The following CAMTA1 variants were observed in gnomAD, a reference collection of about 807,000 sequenced individuals.
CAMTA1 encodes the protein calmodulin binding transcription activator 1.
CAMTA1 carries 27 observed loss-of-function variants against 170.9 expected under a neutral mutation model. The ratio of observed to expected loss-of-function variants is 0.16; its 90% CI spans 0.12 to 0.22. The LOEUF (loss-of-function observed/expected upper bound fraction) is 0.22. Ranked by LOEUF, CAMTA1 falls within the 10% of genes least tolerant of loss-of-function variation. The pLI is 1.00. For missense variants in CAMTA1, 1,619 were observed against 2,217.2 expected (o/e 0.73, Z 5.42); for synonymous variants, 833 against 891.5 (o/e 0.93, Z 1.17).
chr1:7,595,246 G>T (rs989038125), intron 6 of CAMTA1, among the ~76,000 whole-genome samples: 2 of 152,208 alleles, frequency 1.3e-5, no homozygotes, highest in Admixed American at 6.5e-5. Flanking sequence ...TCAGCTTTCA[G>T]ATTATCTGAA....
intron 5 of CAMTA1, among the ~76,000 whole-genome samples, chr1:7,334,429 A>G (rs1035470283): frequency 1.3e-5 from 2 of 152,230 alleles, no homozygotes; most frequent in African/African-American, 2.4e-5. Flanking sequence ...GGAGGCAGTC[A>G]GTTCTTTTGG....
intron 6 of CAMTA1, among the ~76,000 whole-genome samples, chr1:7,610,697 C>G (rs1450641156): frequency 1.3e-5 from 2 of 152,208 alleles, no homozygotes; most frequent in Non-Finnish European, 2.9e-5. Flanking sequence ...GGCCTCTGCC[C>G]CTCCCTAGAA....
At chr1:6,974,505 G>A (rs1016074315) in intron 3 of CAMTA1, among the ~76,000 whole-genome samples, 4 of 152,212 alleles carry the variant, frequency 2.6e-5, no homozygotes, top group African/African-American at 7.2e-5. Flanking sequence ...GTAAATGATG[G>A]TGGTGTTCAG....
chr1:6,785,474 G>C lies in CAMTA1; in HGVS notation c.-57G>C, dbSNP rs1241231371. 7 of 950,192 alleles carry C rather than the reference G, an allele frequency of 7.4e-6. No homozygotes were observed. The African/African-American group carries it at 9.0e-5, about 12-fold the overall frequency. The allele number at this position is 950,192 out of a possible 1,614,324, so 58.9% of individuals were successfully genotyped here. On this transcript the variant is annotated 5_prime_UTR_variant, in exon 1 of 23. Transcript: ENST00000303635. ...GCGGCGGCGGCGGGGTGGCTGGGCC[G>C]GCGGCGGCGGCGGTACGAGGCGCGC...
At chr1:6,926,093 G>A (rs915939653) in intron 3 of CAMTA1, among the ~76,000 whole-genome samples, 3 of 152,230 alleles carry the variant, frequency 2.0e-5, no homozygotes, top group African/African-American at 7.2e-5. Context: ...AATCCACAGG[G>A]CAAAGAGGGC....
intron 4 of CAMTA1, among the ~76,000 whole-genome samples, chr1:7,219,956 G>A (rs532607663): frequency 6.6e-6 from 1 of 152,196 alleles, no homozygotes; most frequent in Non-Finnish European, 1.5e-5. Context: ...CCGTCTGTAG[G>A]CCAGGAAGGG....
At chr1:7,745,220 A>G (rs1292710917) in intron 17 of CAMTA1, among the ~76,000 whole-genome samples, 198 bp downstream of exon 17, 4 of 152,070 alleles carry the variant, frequency 2.6e-5, no homozygotes, top group African/African-American at 4.8e-5. Flanking sequence ...TTTTACTGCT[A>G]TCAGAGCATA....
intron 17 of CAMTA1, among the ~76,000 whole-genome samples, chr1:7,745,562 T>C (rs1395496484): frequency 6.6e-6 from 1 of 152,132 alleles, no homozygotes. Flanking sequence ...TGTAGCATAA[T>C]GTTTCCCCCT....
At chr1:7,445,875 C>G (rs1326878586) in intron 5 of CAMTA1, among the ~76,000 whole-genome samples, 1 of 152,114 alleles carries the variant, frequency 6.6e-6, no homozygotes, top group South Asian at 2.1e-4. Flanking sequence ...AGCGAACATT[C>G]AGGGGTCAGG....
Position 7,740,276 on chromosome 1 carries a change from T to C in CAMTA1, c.4182+1794T>C, listed in dbSNP as rs186730862. 3.3e-5 allele frequency among the ~76,000 whole-genome samples: 5 copies of C among 152,354 alleles called. No homozygotes were observed. In the East Asian group the frequency reaches 5.8e-4, roughly 18 times the overall value. On this transcript the variant is annotated intron_variant, in intron 16 of 22. Transcript: ENST00000303635. Reference sequence around the variant, plus strand: ...GCCATACAGACTTTGTCCTAGCTACTTAATCGGCCCTAACAGCACCAAAGC... The same window carrying C: ...GCCATACAGACTTTGTCCTAGCTACCTAATCGGCCCTAACAGCACCAAAGC...
At chr1:7,658,486 G>C (rs1403171522) in intron 7 of CAMTA1, among the ~76,000 whole-genome samples, 1 of 152,150 alleles carries the variant, frequency 6.6e-6, no homozygotes, top group African/African-American at 2.4e-5. Context: ...GCCAGAGTAG[G>C]GGACCCACAG....
At chr1:7,544,150 G>A (rs2094653924) in intron 6 of CAMTA1, among the ~76,000 whole-genome samples, 1 of 152,200 alleles carries the variant, frequency 6.6e-6, no homozygotes, top group Non-Finnish European at 1.5e-5. Flanking sequence ...GTTCCACATG[G>A]CTGGGGAGGC....
chr1:7,111,993 T>G (rs1644085649), intron 4 of CAMTA1, among the ~76,000 whole-genome samples: 2 of 151,748 alleles, frequency 1.3e-5, no homozygotes, highest in Admixed American at 6.6e-5. Context: ...AAGCAGCCTA[T>G]GAGTGGCCAC....
chr1:7,144,558 T>C lies in CAMTA1; in HGVS notation c.302+53187T>C, dbSNP rs1393840658. Among the ~76,000 whole-genome samples, 1 of 152,194 alleles carries C rather than the reference T, an allele frequency of 6.6e-6. No individual in the cohort carries two copies. The highest frequency in any genetic ancestry group is 2.4e-5 in the African/African-American group (1 of 41,434). On this transcript the variant is annotated intron_variant, in intron 4 of 22. Coordinates refer to ENST00000303635, the MANE Select transcript of CAMTA1 (RefSeq NM_015215.4). The surrounding 1 kb of genome is among the most constrained non-coding windows in gnomAD (Gnocchi z 4.0). ...GATTAGAAGATTTGCCTTGTCGGTGTAGTTTGTGGCTTCAGTGTTGTGAGG... is the reference window on the plus strand; with the variant it reads ...GATTAGAAGATTTGCCTTGTCGGTGCAGTTTGTGGCTTCAGTGTTGTGAGG...
chr1:7,491,181 C>T lies in CAMTA1; in HGVS notation c.510+23280C>T, dbSNP rs114941953. On this transcript the variant is annotated intron_variant, in intron 6 of 22. Coordinates refer to ENST00000303635, the MANE Select transcript of CAMTA1 (RefSeq NM_015215.4). ...CTGTACAGCACCCTGAGAGACCACC[C>T]CCGGCCTCCATGTACCCCCTGCCAT... Among the ~76,000 whole-genome samples the T allele has an allele frequency of 8.2e-3, 1,248 of 152,280 alleles. 18 individuals carry two copies. Among genetic ancestry groups the T allele is most frequent in the African/African-American group, 0.028 (1,171 of 41,558 alleles).
At chr1:7,663,279 CTT>C (rs1301989064) in intron 8 of CAMTA1, 72 bp from the exon 9 acceptor site, 10 of 1,495,378 alleles carry the variant, frequency 6.7e-6, no homozygotes, top group Non-Finnish European at 8.9e-6. Flanking sequence ...CTCTGACTCT[CTT>C]TTGTGTGTGC....
chr1:6,892,700 C>T (rs1013063111), intron 3 of CAMTA1, among the ~76,000 whole-genome samples: 5 of 148,386 alleles, frequency 3.4e-5, no homozygotes, highest in African/African-American at 1.2e-4. Context: ...TCTTTTGCCT[C>T]GGTTGGTTGG....
chr1:7,103,632 C>CAACT (rs1224959098), intron 4 of CAMTA1, among the ~76,000 whole-genome samples: 66 of 87,866 alleles, frequency 7.5e-4, no homozygotes, highest in African/African-American at 1.8e-3. Flanking sequence ...CACACAACTA[C>CAACT]ACACACGCAC....
intron 1 of CAMTA1, among the ~76,000 whole-genome samples, chr1:6,815,445 C>G (rs560838308): frequency 6.6e-6 from 1 of 152,276 alleles, no homozygotes; most frequent in Non-Finnish European, 1.5e-5. Flanking sequence ...CTTAAGCAGT[C>G]CTCTCGCCTT....
Sources: gnomAD v4.1 joint callset for allele counts (sites outside exome capture counted in the v4.1 genomes callset) on GRCh38, gnomAD v4.1.1 for gene constraint, Gnocchi (gnomAD v3.1) non-coding constraint, MANE v1.5 for transcripts, NCBI Gene and HGNC (gene_info 2026-07-23, HGNC 2026-07-21) for gene names.